CABLES1: variants seen among roughly 807,000 people sequenced by gnomAD.
CABLES1 encodes CDK5 and ABL1 enzyme substrate 1.
Under a neutral mutation model 57.8 loss-of-function variants are expected in CABLES1, and 36 were observed. The observed-to-expected ratio is 0.62, with a 90% CI of 0.48 to 0.82. The LOEUF is 0.82. CABLES1 is among the 40% of genes least tolerant of loss of function. The pLI is 0.00. For missense variants in CABLES1, 767 were observed against 836.6 expected (o/e 0.92, Z 1.03); for synonymous variants, 374 against 363.0 (o/e 1.03, Z -0.35).
At position 23,136,213 on chromosome 18, in the gene CABLES1, C is replaced by G; in HGVS notation, c.451C>G (p.Pro151Ala). The G allele has an allele frequency of 7.9e-7, 1 of 1,258,158 alleles. No homozygotes were observed. The highest frequency in any genetic ancestry group is 1.0e-6 in the Non-Finnish European group (1 of 1,004,932). 77.9% of individuals were successfully genotyped at this position (1,258,158 alleles called of 1,614,324 possible). The change falls in exon 1 of 10, where the codon CCT becomes GCT. Residue 151 changes from proline (P) to alanine (A), a missense_variant. Pro to Ala is a conservative substitution (Grantham distance 27). Around this residue, in one of 4 missense-constraint regions of CABLES1, gnomAD observed 529 missense variants for 622.8 expected, o/e 0.85. Transcript: ENST00000256925. ...PQPSSLPPLI[P>A]GGHATVSGPG... is the part of the protein sequence containing the mutation. Reference sequence around the variant, plus strand: ...GCCCTCGTCGCTGCCGCCCTTGATTCCTGGCGGCCATGCGACCGTGTCCGG... The same window carrying G: ...GCCCTCGTCGCTGCCGCCCTTGATTGCTGGCGGCCATGCGACCGTGTCCGG...
chr18:23,240,689 C>T (rs551351948), intron 7 of CABLES1, among the ~76,000 whole-genome samples: 1 of 152,328 alleles, frequency 6.6e-6, no homozygotes, highest in African/African-American at 2.4e-5. Context: ...TCCAAAGCCC[C>T]AGAGTCCTGC....
At chr18:23,256,764 C>T (rs552927185) in intron 9 of CABLES1, among the ~76,000 whole-genome samples, 2 of 152,262 alleles carry the variant, frequency 1.3e-5, no homozygotes, top group East Asian at 1.9e-4. Context: ...GGATGACAGG[C>T]GTGAGCCACC....
At chr18:23,232,424 C>A (rs1370908003) in intron 4 of CABLES1, among the ~76,000 whole-genome samples, 1 of 152,198 alleles carries the variant, frequency 6.6e-6, no homozygotes, top group African/African-American at 2.4e-5. Context: ...GGTCAGTCCC[C>A]TCCCTCCCTG....
At position 23,135,621 on chromosome 18, in the gene CABLES1, C is replaced by CG. The variant is rs919849535; in HGVS notation, c.-135dup. 1.2e-4 allele frequency: 81 copies of CG among 651,574 alleles called. No homozygotes were observed. The highest frequency in any genetic ancestry group is 1.4e-4 in the Non-Finnish European group (74 of 526,442). The allele number at this position is 651,574 out of a possible 1,614,324, so 40.4% of individuals were successfully genotyped here. On this transcript the variant is annotated 5_prime_UTR_variant, in exon 1 of 10. An upstream open reading frame in the 5' UTR loses its in-frame stop. Coordinates refer to ENST00000256925, the MANE Select transcript of CABLES1 (RefSeq NM_001100619.3). ...CCGAGGGGCGAGCATGGCCCGCCCG[C>CG]GGGGGGGCTGGACCGCCGCGCACGC...
Position 23,252,351 on chromosome 18 carries a change from G to T in CABLES1, c.1447-609G>T, listed in dbSNP as rs796649471. On this transcript the variant is annotated intron_variant, in intron 7 of 9. Coordinates refer to ENST00000256925, the MANE Select transcript of CABLES1 (RefSeq NM_001100619.3). ...GCCACTGAATGGTACGCCTAGAAATGGTTAAGATGGTAAATTGTATGTGAT... is the reference window on the plus strand; with the variant it reads ...GCCACTGAATGGTACGCCTAGAAATTGTTAAGATGGTAAATTGTATGTGAT... Among the ~76,000 whole-genome samples, 4 of 152,244 alleles carry T rather than the reference G, an allele frequency of 2.6e-5. No individual in the cohort carries two copies. The South Asian group carries it at 6.2e-4, about 24-fold the overall frequency.
intron 1 of CABLES1, among the ~76,000 whole-genome samples, chr18:23,182,195 G>C (rs2047172164): frequency 6.6e-6 from 1 of 152,184 alleles, no homozygotes; most frequent in African/African-American, 2.4e-5. Flanking sequence ...CATGTAATGT[G>C]CATATATTAT....
chr18:23,253,148 G>T, intron 8 of CABLES1, 82 bp downstream of exon 8: 1 of 783,044 alleles, frequency 1.3e-6, no homozygotes, highest in Non-Finnish European at 2.2e-6. Context: ...CTGTCCAGTG[G>T]TCCTTCCTGT....
intron 3 of CABLES1, among the ~76,000 whole-genome samples, chr18:23,209,043 C>T (rs2047384816): frequency 6.6e-6 from 1 of 152,240 alleles, no homozygotes; most frequent in African/African-American, 2.4e-5. Flanking sequence ...AAAGACACTA[C>T]AGCAGTCCCT....
chr18:23,214,153 T>C, intron 4 of CABLES1, 99 bp downstream of exon 4: 1 of 784,066 alleles, frequency 1.3e-6, no homozygotes, highest in Non-Finnish European at 2.1e-6. Context: ...GAAGTTGCCT[T>C]GCTTTGATAC....
chr18:23,207,783 A>G (rs1401322985), intron 3 of CABLES1, among the ~76,000 whole-genome samples: 1 of 152,140 alleles, frequency 6.6e-6, no homozygotes, highest in African/African-American at 2.4e-5. Context: ...GTGCCTCCTT[A>G]GCAGGTGGGG....
At chr18:23,155,999 T>C (rs1233689271) in intron 1 of CABLES1, 2 of 1,604,108 alleles carry the variant, frequency 1.2e-6, no homozygotes, top group Admixed American at 1.7e-5. Context: ...GCTGAGTCTG[T>C]TTTTTTGGCT....
intron 1 of CABLES1, among the ~76,000 whole-genome samples, chr18:23,171,461 C>A (rs2047081763): frequency 6.6e-6 from 1 of 152,216 alleles, no homozygotes; most frequent in South Asian, 2.1e-4. Context: ...TTGAGCCTTG[C>A]CATGGTCTGC....
At chr18:23,202,977 A>C (rs1453171593) in intron 3 of CABLES1, among the ~76,000 whole-genome samples, 1 of 137,982 alleles carries the variant, frequency 7.2e-6, no homozygotes, top group East Asian at 2.2e-4. Flanking sequence ...ACAGAGCAAG[A>C]CTCCATCAAA....
chr18:23,154,215 A>G (rs1387331770), intron 1 of CABLES1, among the ~76,000 whole-genome samples: 11 of 152,218 alleles, frequency 7.2e-5, no homozygotes. Context: ...CTCACATGTG[A>G]AGAAGATGCC....
intron 1 of CABLES1, among the ~76,000 whole-genome samples, chr18:23,143,673 C>T (rs891488055): frequency 2.4e-4 from 36 of 152,220 alleles, no homozygotes; most frequent in Admixed American, 1.6e-3. Context: ...AGTGGTTGTG[C>T]TTCCCCCACC....
In CABLES1 at chr18:23,258,163, T is replaced by A. The variant is rs2145150328; in HGVS notation, c.*796T>A. 1 of 152,530 alleles carries A rather than the reference T, an allele frequency of 6.6e-6. No individual in the cohort carries two copies. The highest frequency in any genetic ancestry group is 6.5e-5 in the Admixed American group (1 of 15,300). The allele number at this position is 152,530 out of a possible 1,614,324, so 9.4% of individuals were successfully genotyped here. On this transcript the variant is annotated 3_prime_UTR_variant, in exon 10 of 10. Transcript: ENST00000256925. ...CAGTCGCGTGGAAGGACGTGGAGCGTGGCGCTCTGTAACTTCCTGCCGTCT... is the reference window on the plus strand; with the variant it reads ...CAGTCGCGTGGAAGGACGTGGAGCGAGGCGCTCTGTAACTTCCTGCCGTCT...
At chr18:23,241,279 T>C (rs1294089294) in intron 7 of CABLES1, among the ~76,000 whole-genome samples, 1 of 152,092 alleles carries the variant, frequency 6.6e-6, no homozygotes, top group Non-Finnish European at 1.5e-5. Context: ...CCCAGCACTT[T>C]GGGAGGCCGA....
intron 1 of CABLES1, among the ~76,000 whole-genome samples, chr18:23,142,153 C>A (rs2046862058): frequency 6.6e-6 from 1 of 152,132 alleles, no homozygotes; most frequent in Non-Finnish European, 1.5e-5. Context: ...TGTGGATAAT[C>A]CAACCTCAGA....
intron 1 of CABLES1, among the ~76,000 whole-genome samples, chr18:23,159,016 G>A (rs374963773): frequency 1.6e-4 from 24 of 152,306 alleles, no homozygotes; most frequent in African/African-American, 5.8e-4. Context: ...GCCCAGGCTT[G>A]AGTGCAGGGC....
Sources: allele counts gnomAD v4.1 joint callset (sites outside exome capture counted in the v4.1 genomes callset), GRCh38; gene constraint gnomAD v4.1.1; regional missense constraint gnomAD v4.1.1; transcripts MANE v1.5; gene names NCBI Gene and HGNC (gene_info 2026-07-23, HGNC 2026-07-21).